The following MTHFD1L variants were observed in gnomAD, a reference collection of about 807,000 sequenced individuals.
The protein encoded by MTHFD1L is monofunctional C1-tetrahydrofolate synthase, mitochondrial.
In MTHFD1L, 81 loss-of-function variants were observed where a neutral mutation model predicts 119.5. That is an observed-to-expected ratio of 0.68 (90% CI 0.57 to 0.82). The LOEUF (loss-of-function observed/expected upper bound fraction) is 0.82. Ranked by LOEUF, MTHFD1L falls within the 40% of genes least tolerant of loss-of-function variation. The pLI, the probability that MTHFD1L is intolerant of heterozygous loss-of-function variation, is 0.00. For missense variants in MTHFD1L, 1,125 were observed against 1,253.4 expected (o/e 0.90, Z 1.55); for synonymous variants, 430 against 475.2 (o/e 0.90, Z 1.24).
chr6:151,046,266 T>C (rs1412800959), intron 26 of MTHFD1L, among the ~76,000 whole-genome samples: 3 of 151,980 alleles, frequency 2.0e-5, no homozygotes, highest in Non-Finnish European at 4.4e-5. Context: ...TCTGATTTTT[T>C]ACTCTTTGCA....
At chr6:150,936,691 A>T in intron 11 of MTHFD1L, 113 bp from the exon 12 acceptor site, 1 of 1,258,978 alleles carries the variant, frequency 7.9e-7, no homozygotes, top group Non-Finnish European at 1.1e-6. Context: ...AAATTAAATT[A>T]TGGAGTGCAT....
intron 1 of MTHFD1L, among the ~76,000 whole-genome samples, chr6:150,874,562 C>T (rs778427590): frequency 1.4e-4 from 21 of 152,308 alleles, no homozygotes; most frequent in East Asian, 3.9e-4. Context: ...AAGACCCTGT[C>T]GGAGACTGAA....
chr6:150,869,891 T>C (rs916337864), intron 1 of MTHFD1L, among the ~76,000 whole-genome samples: 1 of 152,118 alleles, frequency 6.6e-6, no homozygotes, highest in African/African-American at 2.4e-5. Flanking sequence ...TCCCTCAGCC[T>C]CCCAAGTAGC....
intron 10 of MTHFD1L, 123 bp downstream of exon 10, chr6:150,922,425 C>G (rs141615454): frequency 3.5e-6 from 2 of 577,998 alleles, no homozygotes; most frequent in Admixed American, 3.2e-5. Flanking sequence ...TTTCTCTATT[C>G]ATTAAATTGC....
chr6:151,006,645 T>A (rs778852578), intron 20 of MTHFD1L, among the ~76,000 whole-genome samples: 5 of 152,150 alleles, frequency 3.3e-5, no homozygotes, highest in Admixed American at 6.5e-5. Context: ...CATTAATATA[T>A]TTGTGTCCAA....
At chr6:150,919,385 G>A (rs1788529433) in intron 9 of MTHFD1L, among the ~76,000 whole-genome samples, 1 of 151,868 alleles carries the variant, frequency 6.6e-6, no homozygotes, top group South Asian at 2.1e-4. Flanking sequence ...CACCACGCCT[G>A]GCTAATTTTT....
chr6:150,923,537 A>ATTTATTTATTTAT (rs1254981530), intron 10 of MTHFD1L, among the ~76,000 whole-genome samples: 25 of 95,220 alleles, frequency 2.6e-4, no homozygotes, highest in Middle Eastern at 6.8e-3. Flanking sequence ...TTATTTATTT[A>ATTTATTTATTTAT]TTTTTTCTTT....
intron 26 of MTHFD1L, among the ~76,000 whole-genome samples, chr6:151,064,749 A>AGT (rs1379756318): frequency 6.6e-6 from 1 of 152,042 alleles, no homozygotes; most frequent in Non-Finnish European, 1.5e-5. Flanking sequence ...CAAGGTAGCA[A>AGT]GTGTTTGCTA....
chr6:150,954,981 C>T (rs1187115082), intron 16 of MTHFD1L, among the ~76,000 whole-genome samples: 2 of 151,778 alleles, frequency 1.3e-5, no homozygotes, highest in Non-Finnish European at 2.9e-5. Flanking sequence ...TTCACCCCCG[C>T]CACCCCCCAC....
At chr6:150,989,060 C>T (rs1486938158) in intron 20 of MTHFD1L, among the ~76,000 whole-genome samples, 2 of 152,184 alleles carry the variant, frequency 1.3e-5, no homozygotes, top group Non-Finnish European at 1.5e-5. Context: ...CTCTAAAAGC[C>T]GCAAGCCTCT....
At chr6:150,877,192 G>T (rs1780586043) in intron 2 of MTHFD1L, among the ~76,000 whole-genome samples, 1 of 152,070 alleles carries the variant, frequency 6.6e-6, no homozygotes, top group Non-Finnish European at 1.5e-5. Flanking sequence ...AGCTAGGACT[G>T]CAGGCATGCA....
intron 24 of MTHFD1L, among the ~76,000 whole-genome samples, chr6:151,026,328 C>T (rs961503317): frequency 2.6e-5 from 4 of 152,186 alleles, no homozygotes; most frequent in Non-Finnish European, 4.4e-5. Context: ...GAGACTGTGC[C>T]ACCAATATAA....
At chr6:150,918,064 C>CTTTT (rs397887884) in intron 8 of MTHFD1L, among the ~76,000 whole-genome samples, 7 of 121,960 alleles carry the variant, frequency 5.7e-5, no homozygotes, top group African/African-American at 1.3e-4. Flanking sequence ...CTTAGATGGC[C>CTTTT]TTTTTTTTTT....
At chr6:151,007,477 C>A (rs878883823) in intron 20 of MTHFD1L, among the ~76,000 whole-genome samples, 1 of 152,152 alleles carries the variant, frequency 6.6e-6, no homozygotes, top group Admixed American at 6.5e-5. Flanking sequence ...TTTGTGAGTT[C>A]TCAGTATGCA....
rs1468465364 is a variant in MTHFD1L at position 150,926,011 on chromosome 6, A to G, written c.1083-111A>G. On this transcript the variant is annotated intron_variant, in intron 10 of 27. Coordinates refer to ENST00000367321, the MANE Select transcript of MTHFD1L (RefSeq NM_015440.5). The surrounding 1 kb of genome is among the most constrained non-coding windows in gnomAD (Gnocchi z 4.3). ...TTACTGCCTGGGAGAAAGGACCCCA[A>G]AGTAATTGCATTGATTTCATCGTTG... 6 of 882,990 alleles carry G rather than the reference A, an allele frequency of 6.8e-6. No homozygotes were observed. Among genetic ancestry groups the G allele is most frequent in the Non-Finnish European group, 1.0e-5 (6 of 585,414 alleles). 54.7% of individuals were successfully genotyped at this position (882,990 alleles called of 1,614,324 possible). A position where few individuals can be genotyped will look rare whatever the true frequency, so the allele number is the denominator to read the frequency against.
At chr6:150,891,116 G>C (rs1321591594) in intron 7 of MTHFD1L, among the ~76,000 whole-genome samples, 1 of 152,122 alleles carries the variant, frequency 6.6e-6, no homozygotes, top group Non-Finnish European at 1.5e-5. Flanking sequence ...CTCCTGAGTA[G>C]CTGGGACTAC....
intron 20 of MTHFD1L, among the ~76,000 whole-genome samples, chr6:150,998,059 C>G (rs1470633379): frequency 6.6e-6 from 1 of 152,172 alleles, no homozygotes; most frequent in Non-Finnish European, 1.5e-5. Flanking sequence ...TTATATGACA[C>G]CATGTGTGTG....
At chr6:151,001,173 A>T (rs1780561430) in intron 20 of MTHFD1L, among the ~76,000 whole-genome samples, 3 of 152,166 alleles carry the variant, frequency 2.0e-5, no homozygotes, top group Non-Finnish European at 4.4e-5. Flanking sequence ...TATGTTGTAT[A>T]TTTGATATAT....
intron 27 of MTHFD1L, among the ~76,000 whole-genome samples, chr6:151,100,253 G>A (rs561657750): frequency 1.3e-5 from 2 of 152,170 alleles, no homozygotes; most frequent in African/African-American, 2.4e-5. Context: ...AGACAGGATG[G>A]TCTTGATCTC....
Sources: gnomAD v4.1 joint callset for allele counts (sites outside exome capture counted in the v4.1 genomes callset) on GRCh38, gnomAD v4.1.1 for gene constraint, Gnocchi (gnomAD v3.1) non-coding constraint, MANE v1.5 for transcripts, NCBI Gene and HGNC (gene_info 2026-07-23, HGNC 2026-07-21) for gene names.